Variants in RBFOX1 observed in about 807,000 individuals in gnomAD.
RBFOX1 encodes RNA binding fox-1 homolog 1.
In RBFOX1, 8 loss-of-function variants were observed where a neutral mutation model predicts 57.7. The ratio of observed to expected loss-of-function variants is 0.14; its 90% CI spans 0.08 to 0.25. The LOEUF (loss-of-function observed/expected upper bound fraction) is 0.25, where lower values mean the gene tolerates loss of function less well. Among genes scored for constraint, RBFOX1 ranks in the 10% least tolerant of loss-of-function variants. The probability of loss-of-function intolerance (pLI) is 1.00; values close to 1 mark genes in which losing one functional copy is unlikely to be tolerated. For missense variants in RBFOX1, 611 were observed against 548.5 expected (o/e 1.11, Z -1.14); for synonymous variants, 326 against 222.4 (o/e 1.47, Z -4.15).
At chr16:5,769,019 A>C (rs1197061782) in intron 3 of RBFOX1, among the ~76,000 whole-genome samples, 2 of 152,122 alleles carry the variant, frequency 1.3e-5, no homozygotes, top group African/African-American at 4.8e-5. Flanking sequence ...AGTGTCAAAC[A>C]ATTTTGTCAG....
At chr16:6,685,499 G>A (rs968658074) in intron 3 of RBFOX1, among the ~76,000 whole-genome samples, 16 of 145,810 alleles carry the variant, frequency 1.1e-4, no homozygotes, top group African/African-American at 4.0e-4. Context: ...TGTTCGCCAG[G>A]CTGCTGTCGA....
chr16:5,364,220 C>T (rs985238611), intron 1 of RBFOX1, among the ~76,000 whole-genome samples: 3 of 152,212 alleles, frequency 2.0e-5, no homozygotes, highest in Admixed American at 2.0e-4. Context: ...GAAGTTCCAG[C>T]CAAGTGCTAA....
At chr16:5,374,771 A>T (rs1482657940) in intron 1 of RBFOX1, among the ~76,000 whole-genome samples, 1 of 151,326 alleles carries the variant, frequency 6.6e-6, no homozygotes, top group African/African-American at 2.4e-5. Context: ...CTATTTCATG[A>T]TGTGTGAAAA....
chr16:7,096,109 G>T (rs931433354), intron 4 of RBFOX1, among the ~76,000 whole-genome samples: 1 of 151,968 alleles, frequency 6.6e-6, no homozygotes, highest in Admixed American at 6.6e-5. Flanking sequence ...CGACCCAGGA[G>T]ACATGATATG....
chr16:5,608,995 T>C (rs1055141506), intron 3 of RBFOX1, among the ~76,000 whole-genome samples: 16 of 152,224 alleles, frequency 1.1e-4, no homozygotes, highest in African/African-American at 3.9e-4. Context: ...ATGCCAAATA[T>C]TGATGTTTGA....
chr16:7,198,829 C>G (rs910417733), intron 4 of RBFOX1, among the ~76,000 whole-genome samples: 3 of 152,178 alleles, frequency 2.0e-5, no homozygotes, highest in Non-Finnish European at 2.9e-5. Flanking sequence ...GACACATGGA[C>G]TTTGGGGGAC....
chr16:5,808,913 C>G (rs926291747), intron 3 of RBFOX1, among the ~76,000 whole-genome samples: 7 of 152,126 alleles, frequency 4.6e-5, no homozygotes, highest in Non-Finnish European at 8.8e-5. Context: ...CCCTTTGTTT[C>G]CTTCTCCTGC....
intron 3 of RBFOX1, among the ~76,000 whole-genome samples, chr16:5,617,015 G>C (rs1253740259): frequency 1.3e-5 from 2 of 151,818 alleles, no homozygotes; most frequent in Non-Finnish European, 2.9e-5. Flanking sequence ...TCCTGAGTTA[G>C]AGACTAGATC....
At chr16:6,996,346 C>G (rs76716227) in intron 3 of RBFOX1, among the ~76,000 whole-genome samples, 1,730 of 152,120 alleles carry the variant, frequency 0.011, 34 homozygotes, top group African/African-American at 0.039. Context: ...AGCTCTTTTT[C>G]TGTTCTGTGG....
intron 4 of RBFOX1, among the ~76,000 whole-genome samples, chr16:5,977,132 G>A (rs760404062): frequency 3.7e-4 from 56 of 152,094 alleles, no homozygotes; most frequent in Non-Finnish European, 6.9e-4. Context: ...GCTAAATTCC[G>A]GAAACCACTG....
intron 10 of RBFOX1, among the ~76,000 whole-genome samples, chr16:7,616,870 T>A (rs1273928673): frequency 6.6e-6 from 1 of 152,050 alleles, no homozygotes; most frequent in East Asian, 1.9e-4. Flanking sequence ...TTCTAAGGCC[T>A]GATATTTTAT....
intron 2 of RBFOX1, among the ~76,000 whole-genome samples, chr16:6,437,216 C>A (rs887457906): frequency 6.6e-6 from 1 of 152,160 alleles, no homozygotes; most frequent in Non-Finnish European, 1.5e-5. Context: ...CAGGAATGAG[C>A]GTCCACAGCA....
At chr16:7,377,743 G>A (rs1219523062) in intron 4 of RBFOX1, among the ~76,000 whole-genome samples, 2 of 152,176 alleles carry the variant, frequency 1.3e-5, no homozygotes. Context: ...AGACACAGGG[G>A]TAAACAAGAC....
intron 2 of RBFOX1, among the ~76,000 whole-genome samples, chr16:6,401,389 A>G (rs190633707): frequency 1.3e-5 from 2 of 152,364 alleles, no homozygotes; most frequent in East Asian, 3.9e-4. Context: ...CACTACTACT[A>G]ACTTATAAGC....
At chr16:5,881,599 G>C (rs529378363) in intron 4 of RBFOX1, among the ~76,000 whole-genome samples, 3 of 152,300 alleles carry the variant, frequency 2.0e-5, no homozygotes, top group South Asian at 4.1e-4. Flanking sequence ...AGGAGCATTT[G>C]AACCTGGGAG....
intron 3 of RBFOX1, among the ~76,000 whole-genome samples, chr16:6,914,883 C>A (rs189903280): frequency 1.3e-5 from 2 of 152,178 alleles, no homozygotes. Flanking sequence ...GCAAGACCCT[C>A]TCAAAAACAA....
chr16:6,267,053 G>C (rs994556718), intron 1 of RBFOX1, among the ~76,000 whole-genome samples: 1 of 152,042 alleles, frequency 6.6e-6, no homozygotes, highest in African/African-American at 2.4e-5. Context: ...AGTGAAAAGC[G>C]GTATCCACCT....
chr16:6,424,442 C>G (rs184699729), intron 2 of RBFOX1, among the ~76,000 whole-genome samples: 1 of 152,252 alleles, frequency 6.6e-6, no homozygotes, highest in East Asian at 1.9e-4. Flanking sequence ...TGGAGGACAT[C>G]TAACCATGTA....
chr16:5,919,267 G>C (rs2058769377), intron 4 of RBFOX1, among the ~76,000 whole-genome samples: 1 of 152,196 alleles, frequency 6.6e-6, no homozygotes, highest in African/African-American at 2.4e-5. Context: ...CATGTTCCAG[G>C]TTAGACAGTA....
Sources: gnomAD v4.1 joint callset for allele counts (sites outside exome capture counted in the v4.1 genomes callset) on GRCh38, gnomAD v4.1.1 for gene constraint, MANE v1.5 for transcripts, NCBI Gene and HGNC (gene_info 2026-07-23, HGNC 2026-07-21) for gene names.